Variants in GTSE1 observed in about 807,000 individuals in gnomAD.
The protein encoded by GTSE1 is G2 and S-phase expressed 1, also known as G2 and S phase-expressed protein 1.
In GTSE1, 52 loss-of-function variants were observed where a neutral mutation model predicts 60.5. The ratio of observed to expected loss-of-function variants is 0.86; its 90% confidence interval spans 0.69 to 1.08. The LOEUF is 1.08. Among genes scored for constraint, GTSE1 ranks in the 50% least tolerant of loss-of-function variants. GTSE1 has a pLI of 0.00. For missense variants in GTSE1, 937 were observed against 961.8 expected, an observed-to-expected ratio of 0.97 and a Z score of 0.34; for synonymous variants, 368 against 386.5, an observed-to-expected ratio of 0.95 and a Z score of 0.56.
At chr22:46,323,100 C>T (rs965503414) in intron 7 of GTSE1, 90 bp from the exon 8 acceptor site, 41 of 859,784 alleles carry the variant, frequency 4.8e-5, no homozygotes, top group East Asian at 3.2e-4. Context: ...TGGAGATACT[C>T]GGAGAATTGC....
At position 46,330,406 on chromosome 22, in the gene GTSE1, C is replaced by T. The variant is rs1007874954; in HGVS notation, c.*276C>T. ...CTGAAGTGGGAGGATGGCCTGAGCT[C>T]AAGGAGATGCAGGCTGCAGTGGGCT... On this transcript the variant is annotated 3_prime_UTR_variant, in exon 12 of 12. Transcript: ENST00000454366. This position sits in a 1 kb window ranked among gnomAD's most constrained non-coding sequence, Gnocchi z 6.0. 5.8e-6 allele frequency: 2 copies of T among 345,992 alleles called. No homozygotes were observed. Among genetic ancestry groups the T allele is most frequent in the Non-Finnish European group, 1.1e-5 (2 of 185,908 alleles). 21.4% of individuals were successfully genotyped at this position (345,992 alleles called of 1,614,324 possible). A position where few individuals can be genotyped will look rare whatever the true frequency, so the allele number is the denominator to read the frequency against.
intron 7 of GTSE1, among the ~76,000 whole-genome samples, chr22:46,322,131 C>A (rs996740540): frequency 6.7e-6 from 1 of 150,160 alleles, no homozygotes; most frequent in Non-Finnish European, 1.5e-5. Context: ...GTGCAGGCAG[C>A]CTTTCTGAGG....
intron 9 of GTSE1, 187 bp downstream of exon 9, chr22:46,326,841 G>A: frequency 3.8e-6 from 2 of 523,622 alleles, no homozygotes; most frequent in Admixed American, 3.9e-5. Context: ...AAAATTAAAG[G>A]TATTACAAGG....
chr22:46,306,924 G>A (rs1276724064), intron 2 of GTSE1, among the ~76,000 whole-genome samples: 1 of 152,242 alleles, frequency 6.6e-6, no homozygotes, highest in Non-Finnish European at 1.5e-5. Flanking sequence ...TTGGGAATTT[G>A]GGTTAGTGTT....
intron 5 of GTSE1, 85 bp downstream of exon 5, chr22:46,312,390 A>G: frequency 7.2e-7 from 1 of 1,391,328 alleles, no homozygotes; most frequent in Non-Finnish European, 9.8e-7. Flanking sequence ...TTAAAATCCC[A>G]GCATTTTGGG....
chr22:46,298,388 A>G (rs899841192), intron 2 of GTSE1, among the ~76,000 whole-genome samples: 2 of 150,166 alleles, frequency 1.3e-5, no homozygotes, highest in African/African-American at 4.9e-5. Context: ...GCTCACTGCA[A>G]CCTCTGCCTT....
rs2077792238 is a variant in GTSE1, at chr22:46,318,224, G to A, written c.1432+1812G>A. 6.6e-6 allele frequency among the ~76,000 whole-genome samples: 1 copy of A among 152,224 alleles called. No homozygotes were observed. The highest frequency in any genetic ancestry group is 6.5e-5 in the Admixed American group (1 of 15,278). On this transcript the variant is annotated intron_variant, in intron 7 of 11. Coordinates refer to ENST00000454366, the MANE Select transcript of GTSE1 (RefSeq NM_016426.7). This position sits in a 1 kb window ranked among gnomAD's most constrained non-coding sequence, Gnocchi z 4.8. ...AAAGTTCTCAGAGCTGACTTAAGGTGAGAGGAGCGTCCTGGCCTCCTCTGT... is the reference window on the plus strand; with the variant it reads ...AAAGTTCTCAGAGCTGACTTAAGGTAAGAGGAGCGTCCTGGCCTCCTCTGT...
At position 46,310,909 on chromosome 22, in the gene GTSE1, G is replaced by A. The variant is rs2077744513; in HGVS notation, c.763-1232G>A. Among the ~76,000 whole-genome samples the A allele has an allele frequency of 6.6e-6, 1 of 152,188 alleles. No homozygotes were observed. Among genetic ancestry groups the A allele is most frequent in the Non-Finnish European group, 1.5e-5 (1 of 68,038 alleles). Reference sequence around the variant, plus strand: ...GGCACCACTGAAAACATTTTGCTCAGTGAGAGAGGCCATAACAAAAGGTCC... The same window carrying A: ...GGCACCACTGAAAACATTTTGCTCAATGAGAGAGGCCATAACAAAAGGTCC... On this transcript the variant is annotated intron_variant, in intron 4 of 11. Coordinates refer to ENST00000454366, the MANE Select transcript of GTSE1 (RefSeq NM_016426.7). This position sits in a 1 kb window ranked among gnomAD's most constrained non-coding sequence, Gnocchi z 4.4.
intron 2 of GTSE1, among the ~76,000 whole-genome samples, chr22:46,301,877 C>T (rs554581389): frequency 1.1e-4 from 17 of 152,230 alleles, no homozygotes; most frequent in African/African-American, 3.1e-4. Flanking sequence ...GCCTGTCATC[C>T]CAACACTTTG....
At chr22:46,299,959 ATTTTTTTTT>A (rs130640) in intron 2 of GTSE1, among the ~76,000 whole-genome samples, 3 of 100,222 alleles carry the variant, frequency 3.0e-5, no homozygotes, top group South Asian at 6.3e-4. Context: ...CGCCCAGCTA[ATTTTTTTTT>A]TTTTTTTTTT....
chr22:46,318,362 G>T lies in GTSE1; in HGVS notation c.1432+1950G>T, dbSNP rs918223629. 6.6e-6 allele frequency among the ~76,000 whole-genome samples: 1 copy of T among 152,196 alleles called. No homozygotes were observed. The highest frequency in any genetic ancestry group is 1.9e-4 in the East Asian group (1 of 5,198). On this transcript the variant is annotated intron_variant, in intron 7 of 11. Coordinates refer to ENST00000454366, the MANE Select transcript of GTSE1 (RefSeq NM_016426.7). The surrounding 1 kb of genome is among the most constrained non-coding windows in gnomAD (Gnocchi z 4.8). ...ATTCTGAGTCCTGCTGTAGGAACAA[G>T]CTGTTCTGCTGAGTGTCTTCTCTGT...
Position 46,330,205 on chromosome 22 carries a change from G to C in GTSE1, c.*75G>C, listed in dbSNP as rs1386834991. 1 of 884,408 alleles carries C rather than the reference G, an allele frequency of 1.1e-6. No individual in the cohort carries two copies. 54.8% of individuals were successfully genotyped at this position (884,408 alleles called of 1,614,324 possible). A position where few individuals can be genotyped will look rare whatever the true frequency, so the allele number is the denominator to read the frequency against. ...ACCCTCAGAAACAAGCTTTAGGCTGGTCGCAGTGGCTTACACTTGTAACCC... is the reference window on the plus strand; with the variant it reads ...ACCCTCAGAAACAAGCTTTAGGCTGCTCGCAGTGGCTTACACTTGTAACCC... On this transcript the variant is annotated 3_prime_UTR_variant, in exon 12 of 12. Transcript: ENST00000454366. The surrounding 1 kb of genome is among the most constrained non-coding windows in gnomAD (Gnocchi z 6.0).
rs540563785 is a variant in GTSE1 at position 46,312,352 on chromosome 22, T to C, written c.927+47T>C. The C allele has an allele frequency of 6.6e-5, 103 of 1,561,216 alleles. 1 individual carries two copies. In the South Asian group the frequency reaches 1.2e-3, roughly 18 times the overall value. On this transcript the variant is annotated intron_variant, in intron 5 of 11. Coordinates refer to ENST00000454366, the MANE Select transcript of GTSE1 (RefSeq NM_016426.7). ...AAACTTGTGGTTGCTGGGAATGAGGTGGCAGCTGTGTGTACAAGTGCTTTG... is the reference window on the plus strand; with the variant it reads ...AAACTTGTGGTTGCTGGGAATGAGGCGGCAGCTGTGTGTACAAGTGCTTTG...
rs1024643877 is a variant in GTSE1, at chr22:46,309,249, A to T, written c.762+306A>T. Among the ~76,000 whole-genome samples, 3 of 152,084 alleles carry T rather than the reference A, an allele frequency of 2.0e-5. No individual in the cohort carries two copies. Among genetic ancestry groups the T allele is most frequent in the Non-Finnish European group, 4.4e-5 (3 of 68,008 alleles). ...GCTTTAATAAGCAACCTCTTCCAAA[A>T]ACTCCCCTCCTCTGCAATGGCTGCT... On this transcript the variant is annotated intron_variant, in intron 4 of 11. Transcript: ENST00000454366. This position sits in a 1 kb window ranked among gnomAD's most constrained non-coding sequence, Gnocchi z 6.2.
Position 46,329,162 on chromosome 22 carries a change from G to C in GTSE1, c.1927-196G>C. ...GGAGCTGGTGGCTGCTGGTGAGCGG[G>C]TATGGACAGGGAGGTGGGCAACAGT... On this transcript the variant is annotated intron_variant, in intron 10 of 11. Transcript: ENST00000454366. The surrounding 1 kb of genome is among the most constrained non-coding windows in gnomAD (Gnocchi z 6.4). 1.5e-6 allele frequency: 1 copy of C among 650,306 alleles called. No homozygotes were observed. Among genetic ancestry groups the C allele is most frequent in the Non-Finnish European group, 2.7e-6 (1 of 367,018 alleles). The allele number at this position is 650,306 out of a possible 1,614,324, so 40.3% of individuals were successfully genotyped here. A position where few individuals can be genotyped will look rare whatever the true frequency, so the allele number is the denominator to read the frequency against.
chr22:46,305,646 C>T (rs1323186989), intron 2 of GTSE1, among the ~76,000 whole-genome samples: 3 of 150,114 alleles, frequency 2.0e-5, no homozygotes, highest in Non-Finnish European at 3.0e-5. Flanking sequence ...CAGTGGCTCA[C>T]GCCTGTAATC....
chr22:46,324,886 G>A lies in GTSE1; in HGVS notation c.1506-1550G>A, dbSNP rs1340184931. 2.0e-5 allele frequency among the ~76,000 whole-genome samples: 3 copies of A among 152,156 alleles called. No homozygotes were observed. The highest frequency in any genetic ancestry group is 6.5e-5 in the Admixed American group (1 of 15,270). ...TGTTTTCAGGCTCCTTTTGAAGAAC[G>A]TAACAATTGCCCAGAATAGAGCAAT... On this transcript the variant is annotated intron_variant, in intron 8 of 11. Coordinates refer to ENST00000454366, the MANE Select transcript of GTSE1 (RefSeq NM_016426.7). This position sits in a 1 kb window ranked among gnomAD's most constrained non-coding sequence, Gnocchi z 5.2.
In GTSE1 at chr22:46,310,242, C is replaced by T. The variant is rs1260716092; in HGVS notation, c.762+1299C>T. Among the ~76,000 whole-genome samples the T allele has an allele frequency of 1.3e-5, 2 of 152,114 alleles. No individual in the cohort carries two copies. The highest frequency in any genetic ancestry group is 2.9e-5 in the Non-Finnish European group (2 of 68,016). ...TACAAGTGTGCTTGACAGAGAACTG[C>T]TAGGATGCCTAAAGGAAGAAGAAAA... On this transcript the variant is annotated intron_variant, in intron 4 of 11. Transcript: ENST00000454366. This position sits in a 1 kb window ranked among gnomAD's most constrained non-coding sequence, Gnocchi z 4.4.
At position 46,314,077 on chromosome 22, in the gene GTSE1, G is replaced by GGCCTTGGAGACTGTTTCTGCAGA; in HGVS notation, c.1051+65_1051+87dup. On this transcript the variant is annotated intron_variant, in intron 6 of 11. Transcript: ENST00000454366. The surrounding 1 kb of genome is among the most constrained non-coding windows in gnomAD (Gnocchi z 7.1). ...CAGGTGAGGCCTGGAGTGCTGCTCA[G>GGCCTTGGAGACTGTTTCTGCAGA]GCCTTGGAGACTGTTTCTGCAGAAC... 1.9e-6 allele frequency: 3 copies of GGCCTTGGAGACTGTTTCTGCAGA among 1,590,584 alleles called. No individual in the cohort carries two copies. Among genetic ancestry groups the GGCCTTGGAGACTGTTTCTGCAGA allele is most frequent in the Admixed American group, 3.4e-5 (2 of 59,574 alleles).
Sources: allele counts gnomAD v4.1 joint callset (sites outside exome capture counted in the v4.1 genomes callset), GRCh38; gene constraint gnomAD v4.1.1; non-coding constraint Gnocchi (gnomAD v3.1); transcripts MANE v1.5; gene names NCBI Gene and HGNC (gene_info 2026-07-23, HGNC 2026-07-21).